The following INPP5D variants were observed in gnomAD, a reference collection of about 807,000 sequenced individuals.
The protein encoded by INPP5D is inositol polyphosphate-5-phosphatase D.
A neutral mutation model predicts 122.9 loss-of-function variants in INPP5D; 33 were observed. The ratio of observed to expected loss-of-function variants is 0.27; its 90% CI spans 0.20 to 0.36. The LOEUF (loss-of-function observed/expected upper bound fraction) is 0.36, where lower values mean the gene tolerates loss of function less well. Among genes scored for constraint, INPP5D ranks in the 10% least tolerant of loss-of-function variants. The pLI is 1.00. For missense variants in INPP5D, 1,053 were observed against 1,412.7 expected (o/e 0.75, Z 4.08); for synonymous variants, 584 against 576.2 (o/e 1.01, Z -0.19).
At chr2:233,109,982 T>C (rs1040791887) in intron 2 of INPP5D, among the ~76,000 whole-genome samples, 4 of 152,024 alleles carry the variant, frequency 2.6e-5, no homozygotes, top group Admixed American at 6.5e-5. Flanking sequence ...TTTCTCAGGC[T>C]CAAGGGATTC....
intron 2 of INPP5D, among the ~76,000 whole-genome samples, chr2:233,094,510 CCCAAAAA>C (rs1249829639): frequency 9.4e-4 from 26 of 27,794 alleles, no homozygotes; most frequent in African/African-American, 2.3e-3. Flanking sequence ...AAGACTCCAT[CCCAAAAA>C]AAAAAAAAAA....
chr2:233,145,340 C>T (rs142474245), intron 6 of INPP5D: 11,276 of 456,132 alleles, frequency 0.025, 189 homozygotes, highest in Non-Finnish European at 0.034. Flanking sequence ...GGAGCATCTT[C>T]GTTGGCCAGA....
At chr2:233,153,754 T>C (rs895170337) in intron 9 of INPP5D, among the ~76,000 whole-genome samples, 1 of 152,146 alleles carries the variant, frequency 6.6e-6, no homozygotes, top group African/African-American at 2.4e-5. Context: ...GGATATTCTT[T>C]GGAGAAGGTG....
At chr2:233,083,864 C>A (rs1691757155) in intron 2 of INPP5D, among the ~76,000 whole-genome samples, 1 of 152,156 alleles carries the variant, frequency 6.6e-6, no homozygotes. Context: ...CACCCTACAA[C>A]CTTTTGGCCC....
At chr2:233,116,041 G>A (rs1035511644) in intron 2 of INPP5D, among the ~76,000 whole-genome samples, 31 of 152,126 alleles carry the variant, frequency 2.0e-4, no homozygotes, top group African/African-American at 7.2e-4. Context: ...AATTATAATG[G>A]GAGGCAAGAG....
chr2:233,113,974 C>A (rs145599545), intron 2 of INPP5D, among the ~76,000 whole-genome samples: 1 of 149,496 alleles, frequency 6.7e-6, no homozygotes, highest in South Asian at 2.1e-4. Context: ...GCAGTGGCGC[C>A]ATCTCAGCTC....
At chr2:233,093,811 G>T (rs1692052469) in intron 2 of INPP5D, among the ~76,000 whole-genome samples, 1 of 152,082 alleles carries the variant, frequency 6.6e-6, no homozygotes, top group Non-Finnish European at 1.5e-5. Flanking sequence ...CAATAATAAT[G>T]TGATGACGTC....
At position 233,067,366 on chromosome 2, in the gene INPP5D, G is replaced by C. The variant is rs192587057; in HGVS notation, c.134+6754G>C. Among the ~76,000 whole-genome samples, 217 of 152,280 alleles carry C rather than the reference G, an allele frequency of 1.4e-3. 1 individual carries two copies. Among genetic ancestry groups the C allele is most frequent in the Non-Finnish European group, 2.5e-3 (170 of 68,026 alleles). On this transcript the variant is annotated intron_variant, in intron 1 of 26. Coordinates refer to ENST00000445964, the MANE Select transcript of INPP5D (RefSeq NM_001017915.3). ...GCTGTCAAGCTTCATCTGTGTTGTG[G>C]CATGAATCACTCCTCTCCAGGGCTG... is the stretch of plus-strand genomic sequence containing the variant.
chr2:233,123,398 G>A (rs935538289), intron 3 of INPP5D, among the ~76,000 whole-genome samples: 1 of 150,174 alleles, frequency 6.7e-6, no homozygotes, highest in African/African-American at 2.5e-5. Flanking sequence ...AGGTTGCAGT[G>A]AGCCAAGATC....
Position 233,163,493 on chromosome 2 carries a change from G to A in INPP5D, c.1241-214G>A, listed in dbSNP as rs186555687. On this transcript the variant is annotated intron_variant, in intron 11 of 26. Coordinates refer to ENST00000445964, the MANE Select transcript of INPP5D (RefSeq NM_001017915.3). ...TCTATACCTTGAAACTTGACATTAC[G>A]TTTAAAAAGAGGCTTAACTGAGCTC... is the stretch of plus-strand genomic sequence containing the variant. Among the ~76,000 whole-genome samples, 284 of 152,222 alleles carry A rather than the reference G, an allele frequency of 1.9e-3. 3 individuals are homozygous for A. The highest frequency in any genetic ancestry group is 7.1e-4 in the Non-Finnish European group (48 of 68,006).
chr2:233,121,875 G>C (rs1018512458), intron 2 of INPP5D, among the ~76,000 whole-genome samples: 2 of 152,160 alleles, frequency 1.3e-5, no homozygotes, highest in African/African-American at 4.8e-5. Flanking sequence ...AAGAAAAACA[G>C]ATCTTAGGAA....
intron 13 of INPP5D, among the ~76,000 whole-genome samples, chr2:233,167,610 G>C (rs1694378547): frequency 6.6e-6 from 1 of 152,180 alleles, no homozygotes; most frequent in Non-Finnish European, 1.5e-5. Context: ...AGGGCTGGAG[G>C]GCAGAAAGCC....
At chr2:233,171,921 A>T (rs1344725937) in intron 17 of INPP5D, among the ~76,000 whole-genome samples, 4 of 152,220 alleles carry the variant, frequency 2.6e-5, no homozygotes, top group African/African-American at 7.2e-5. Flanking sequence ...GCCTAGGGCA[A>T]TGGAGCGCAA....
intron 9 of INPP5D, among the ~76,000 whole-genome samples, chr2:233,151,412 A>G (rs1365942265): frequency 6.6e-6 from 1 of 152,096 alleles, no homozygotes; most frequent in African/African-American, 2.4e-5. Flanking sequence ...CTCTCCGGGA[A>G]TGTGCCCACC....
rs1236804220 is a variant in INPP5D, at chr2:233,158,444, T to A, written c.1137+25T>A. On this transcript the variant is annotated intron_variant, in intron 10 of 26. Transcript: ENST00000445964. The stretch of plus-strand genomic sequence containing the variant: ...AGTAAGTGACAGCAAACTTCTAAAA[T>A]GGGCTGTGAGGTAGGGAGGGGACAC... 2.2e-5 allele frequency: 15 copies of A among 695,620 alleles called. No homozygotes were observed. In the East Asian group the frequency reaches 3.5e-4, roughly 16 times the overall value. The allele number at this position is 695,620 out of a possible 1,614,324, so 43.1% of individuals were successfully genotyped here.
chr2:233,065,964 A>G (rs1223020629), intron 1 of INPP5D, among the ~76,000 whole-genome samples: 1 of 141,606 alleles, frequency 7.1e-6, no homozygotes, highest in African/African-American at 3.0e-5. Context: ...AATTATTATT[A>G]TTTTATTTTT....
At position 233,163,770 on chromosome 2, in the gene INPP5D, G is replaced by A. The variant is rs747305850; in HGVS notation, c.1304G>A (p.Arg435Gln). 22 of 1,613,906 alleles carry A rather than the reference G, an allele frequency of 1.4e-5. No individual in the cohort carries two copies. Among genetic ancestry groups the A allele is most frequent in the East Asian group, 2.2e-5 (1 of 44,872 alleles). Residue 435 changes from arginine to glutamine, a missense_variant, in exon 12 of 27, where the codon CGG becomes CAG. By Grantham distance (43) the Arg-to-Gln change is conservative. Around this residue, in one of 6 missense-constraint regions of INPP5D, gnomAD observed 105 missense variants for 199.8 expected, o/e 0.53. Coordinates refer to ENST00000445964, the MANE Select transcript of INPP5D (RefSeq NM_001017915.3). ...CTCTCCAAGGGGCAGGGAAAGACGCGGGACGACTCTGCGGACTACATCCCC... is the reference window on the plus strand; with the variant it reads ...CTCTCCAAGGGGCAGGGAAAGACGCAGGACGACTCTGCGGACTACATCCCC... ...WFLSKGQGKT[R>Q]DDSADYIPHD...
intron 10 of INPP5D, among the ~76,000 whole-genome samples, chr2:233,159,318 T>C (rs562608438): frequency 1.3e-5 from 2 of 152,350 alleles, no homozygotes; most frequent in South Asian, 4.1e-4. Flanking sequence ...TCATTCATTG[T>C]TCTCTGCCAT....
intron 3 of INPP5D, 95 bp downstream of exon 3, chr2:233,122,352 G>A: frequency 7.5e-7 from 1 of 1,328,162 alleles, no homozygotes; most frequent in Non-Finnish European, 1.0e-6. Context: ...CCTATTATCA[G>A]AGGGAGATTG....
Sources: allele counts gnomAD v4.1 joint callset (sites outside exome capture counted in the v4.1 genomes callset), GRCh38; gene constraint gnomAD v4.1.1; regional missense constraint gnomAD v4.1.1; transcripts MANE v1.5; gene names NCBI Gene and HGNC (gene_info 2026-07-23, HGNC 2026-07-21).